MEGF10: variants seen among roughly 807,000 people sequenced by gnomAD.
MEGF10 encodes multiple EGF like domains 10, also known as multiple epidermal growth factor-like domains protein 10.
Under a neutral mutation model 147.5 loss-of-function variants are expected in MEGF10, and 86 were observed. The ratio of observed to expected loss-of-function variants is 0.58; its 90% CI spans 0.49 to 0.70. The LOEUF is 0.70. Among genes scored for constraint, MEGF10 ranks in the 30% least tolerant of loss-of-function variants. MEGF10 has a pLI of 0.00. For missense variants in MEGF10, 1,329 were observed against 1,487.3 expected, an observed-to-expected ratio of 0.89 and a Z score of 1.75; for synonymous variants, 478 against 525.5, an observed-to-expected ratio of 0.91 and a Z score of 1.24.
intron 4 of MEGF10, among the ~76,000 whole-genome samples, chr5:127,344,765 A>C (rs931566289): frequency 6.6e-6 from 1 of 152,248 alleles, no homozygotes; most frequent in South Asian, 2.1e-4. Flanking sequence ...GATTTTTAAA[A>C]TGTTCTTGAA....
At chr5:127,229,922 AG>A in the MEGF10 span, 2 of 152,160 alleles carry the variant, frequency 1.3e-5, no homozygotes, top group Non-Finnish European at 2.9e-5. Flanking sequence ...TGACACTTGG[AG>A]AATTCTGTTT....
chr5:127,312,931 C>T (rs1433666929), intron 1 of MEGF10, among the ~76,000 whole-genome samples: 1 of 152,062 alleles, frequency 6.6e-6, no homozygotes, highest in African/African-American at 2.4e-5. Flanking sequence ...CTGAAAAGGT[C>T]TGTCTTTGAT....
chr5:127,308,992 A>G (rs550249284), intron 1 of MEGF10, among the ~76,000 whole-genome samples: 128 of 152,258 alleles, frequency 8.4e-4, no homozygotes, highest in African/African-American at 3.0e-3. Flanking sequence ...CTGTAACGAG[A>G]TGTAAAATTC....
intron 5 of MEGF10, among the ~76,000 whole-genome samples, chr5:127,371,290 C>A (rs978946533): frequency 3.2e-4 from 48 of 150,158 alleles, no homozygotes; most frequent in African/African-American, 1.1e-3. Flanking sequence ...GGAAAACTGT[C>A]TTGCAGGGTT....
the MEGF10 span, among the ~76,000 whole-genome samples, chr5:127,263,214 G>A: frequency 6.6e-6 from 1 of 151,196 alleles, no homozygotes; most frequent in Non-Finnish European, 1.5e-5. Flanking sequence ...ATAGAAAGCA[G>A]CCCTTTGCCT....
Position 127,310,035 on chromosome 5 carries a change from C to CTTCCT in MEGF10, c.-19+18982_-19+18983insCTTTC, listed in dbSNP as rs1554089056. Among the ~76,000 whole-genome samples, 127 of 22,906 alleles carry CTTCCT rather than the reference C, an allele frequency of 5.5e-3. 18 individuals carry two copies. The highest frequency in any genetic ancestry group is 0.1 in the Middle Eastern group (2 of 20). The allele number at this position is 22,906 out of a possible 152,430, so 15.0% of individuals were successfully genotyped here. ...CTTTCTTTTTTTCTTTCTTTCTTTC[C>CTTCCT]TTCTTTCTTTATTTCTTTCTTTCTT... is the stretch of plus-strand genomic sequence containing the variant. On this transcript the variant is annotated intron_variant, in intron 1 of 24. Transcript: ENST00000503335.
rs373772668 is a variant in MEGF10, at chr5:127,401,768, GTA to G, written c.781-776_781-775del. ...AGTATTTCATTGACTTATTGGTACA[GTA>G]TCTTATTCCTATCCACGCAAGATTG... On this transcript the variant is annotated intron_variant, in intron 7 of 24. Transcript: ENST00000503335. 4.2e-4 allele frequency among the ~76,000 whole-genome samples: 64 copies of G among 152,302 alleles called. 2 individuals carry two copies. Among genetic ancestry groups the G allele is most frequent in the African/African-American group, 1.5e-3 (63 of 41,560 alleles).
intron 5 of MEGF10, among the ~76,000 whole-genome samples, chr5:127,391,098 GCGCGCA>G (rs1554097022): frequency 2.0e-3 from 59 of 29,780 alleles, no homozygotes; most frequent in African/African-American, 3.2e-3. Context: ...GCGCGCGCGC[GCGCGCA>G]CACACACACA....
intron 13 of MEGF10, among the ~76,000 whole-genome samples, chr5:127,432,095 G>A (rs78641522): frequency 0.019 from 2,845 of 152,222 alleles, 55 homozygotes; most frequent in South Asian, 0.078. Context: ...CCCATGGTCC[G>A]AATGAAATAA....
intron 5 of MEGF10, among the ~76,000 whole-genome samples, chr5:127,375,511 GATTAA>G (rs1762991692): frequency 6.6e-6 from 1 of 152,178 alleles, no homozygotes; most frequent in Admixed American, 6.5e-5. Flanking sequence ...TTTTAAATTT[GATTAA>G]ATTATTGTTT....
At chr5:127,362,185 T>G in intron 4 of MEGF10, among the ~76,000 whole-genome samples, 1 of 152,190 alleles carries the variant, frequency 6.6e-6, no homozygotes, top group South Asian at 2.1e-4. Context: ...TGCATAAATG[T>G]TTAGGATTAT....
At chr5:127,267,434 C>T in the MEGF10 span, among the ~76,000 whole-genome samples, 1,081 of 152,260 alleles carry the variant, frequency 7.1e-3, 11 homozygotes, top group African/African-American at 0.025. Flanking sequence ...ATGCTGGCCT[C>T]ATAAAATGAG....
chr5:127,270,577 G>T, the MEGF10 span, among the ~76,000 whole-genome samples: 4 of 152,150 alleles, frequency 2.6e-5, no homozygotes, highest in Non-Finnish European at 5.9e-5. Context: ...ACCCAGATTT[G>T]TAAAGCAAGT....
At chr5:127,437,800 A>G (rs1483996368) in intron 16 of MEGF10, among the ~76,000 whole-genome samples, 1 of 152,182 alleles carries the variant, frequency 6.6e-6, no homozygotes, top group Non-Finnish European at 1.5e-5. Flanking sequence ...TGGCAACTCT[A>G]GAGTAGACTG....
intron 8 of MEGF10, among the ~76,000 whole-genome samples, chr5:127,409,351 A>T (rs986906719): frequency 5.3e-5 from 8 of 152,186 alleles, no homozygotes; most frequent in African/African-American, 1.9e-4. Context: ...GTGGCTGCCG[A>T]GACAAAGTGT....
At chr5:127,270,135 A>G in the MEGF10 span, among the ~76,000 whole-genome samples, 1 of 152,226 alleles carries the variant, frequency 6.6e-6, no homozygotes, top group Non-Finnish European at 1.5e-5. Context: ...AACATGCCAA[A>G]TTGTAAAGAC....
chr5:127,349,114 C>T (rs113032599), intron 4 of MEGF10, among the ~76,000 whole-genome samples: 4 of 152,008 alleles, frequency 2.6e-5, no homozygotes, highest in African/African-American at 9.7e-5. Flanking sequence ...GTAAGCTGAC[C>T]TTTTATTCTA....
intron 1 of MEGF10, among the ~76,000 whole-genome samples, chr5:127,306,635 C>T (rs953831137): frequency 6.6e-6 from 1 of 152,236 alleles, no homozygotes; most frequent in Non-Finnish European, 1.5e-5. Flanking sequence ...CCCATCCATT[C>T]ACTGTGGCCC....
intron 1 of MEGF10, among the ~76,000 whole-genome samples, chr5:127,319,282 G>T (rs1760700714): frequency 6.6e-6 from 1 of 152,038 alleles, no homozygotes; most frequent in African/African-American, 2.4e-5. Context: ...TACCATGTTG[G>T]CCAGTCTGGT....
Sources: gnomAD v4.1 joint callset for allele counts (sites outside exome capture counted in the v4.1 genomes callset) on GRCh38, gnomAD v4.1.1 for gene constraint, MANE v1.5 for transcripts, NCBI Gene and HGNC (gene_info 2026-07-23, HGNC 2026-07-21) for gene names.